Variants in ATP9B observed in about 807,000 individuals in gnomAD.
The protein encoded by ATP9B is ATPase phospholipid transporting 9B.
ATP9B carries 110 observed loss-of-function variants against 146.1 expected under a neutral mutation model. That is an observed-to-expected ratio of 0.75 (90% CI 0.65 to 0.88). ATP9B has a LOEUF of 0.88. Ranked by LOEUF, ATP9B falls within the 40% of genes least tolerant of loss-of-function variation. The pLI, the probability that ATP9B is intolerant of heterozygous loss-of-function variation, is 0.00. For missense variants in ATP9B, 1,499 were observed against 1,496.4 expected (o/e 1.00, Z -0.03); for synonymous variants, 604 against 569.7 (o/e 1.06, Z -0.86).
chr18:79,249,472 T>A (rs2096002001), intron 11 of ATP9B, among the ~76,000 whole-genome samples: 1 of 152,232 alleles, frequency 6.6e-6, no homozygotes. Flanking sequence ...TGAAAATAAC[T>A]TCTAAGTGTA....
At chr18:79,334,674 G>T (rs1018112073) in intron 17 of ATP9B, among the ~76,000 whole-genome samples, 3 of 152,066 alleles carry the variant, frequency 2.0e-5, no homozygotes, top group Non-Finnish European at 4.4e-5. Flanking sequence ...GCATCCCCCA[G>T]ACGTTGGCCC....
chr18:79,150,313 T>A (rs930998474), intron 6 of ATP9B, among the ~76,000 whole-genome samples: 1 of 146,642 alleles, frequency 6.8e-6, no homozygotes, highest in African/African-American at 2.5e-5. Context: ...GATAGTTTCT[T>A]AAAAAAAAAA....
At chr18:79,234,136 G>T (rs1291033858) in intron 11 of ATP9B, among the ~76,000 whole-genome samples, 2 of 152,206 alleles carry the variant, frequency 1.3e-5, no homozygotes, top group Non-Finnish European at 2.9e-5. Flanking sequence ...GTTACAGGAA[G>T]AGTGGGAGGG....
At chr18:79,373,608 G>A (rs1190881007) in intron 27 of ATP9B, among the ~76,000 whole-genome samples, 1 of 151,350 alleles carries the variant, frequency 6.6e-6, no homozygotes, top group African/African-American at 2.4e-5. Flanking sequence ...TTCTGCCTCA[G>A]CCTCCCCAGT....
rs2096833683 is a variant in ATP9B at position 79,337,429 on chromosome 18, C to G, written c.2263C>G (p.Leu755Val). Reference sequence around the variant, plus strand: ...AGACGTGCGGCCCACGCTGGAGATGCTGCGCAACGCCGGGATCAAGGTACT... The same window carrying G: ...AGACGTGCGGCCCACGCTGGAGATGGTGCGCAACGCCGGGATCAAGGTACT... ...QADVRPTLEM[L>V]RNAGIKIWML... Residue 755 changes from leucine (L) to valine (V), a missense_variant, in exon 19 of 30, where the codon CTG becomes GTG. Leu to Val is a conservative substitution (Grantham distance 32). Transcript: ENST00000426216. The G allele has an allele frequency of 1.2e-6, 2 of 1,611,982 alleles. No individual in the cohort carries two copies. Among genetic ancestry groups the G allele is most frequent in the South Asian group, 1.1e-5 (1 of 91,028 alleles).
intron 29 of ATP9B, chr18:79,376,419 C>T (rs2097103851): frequency 3.1e-6 from 3 of 977,616 alleles, no homozygotes; most frequent in African/African-American, 1.8e-5. Flanking sequence ...GACGAAGTCT[C>T]ACTCTTGTTA....
Position 79,115,326 on chromosome 18 carries a change from G to A in ATP9B, c.558+1972G>A, listed in dbSNP as rs1408738780. The A allele has an allele frequency of 2.6e-4, 33 of 125,146 alleles. 1 individual carries two copies. Among genetic ancestry groups the A allele is most frequent in the East Asian group, 4.5e-4 (2 of 4,414 alleles). The allele number at this position is 125,146 out of a possible 1,614,324, so 7.8% of individuals were successfully genotyped here. A position where few individuals can be genotyped will look rare whatever the true frequency, so the allele number is the denominator to read the frequency against. On this transcript the variant is annotated intron_variant, in intron 4 of 29. Coordinates refer to ENST00000426216, the MANE Select transcript of ATP9B (RefSeq NM_198531.5). ...CTCATGGGTAGGAAGAATCAATATCGTGAAAATGGCCATACTGCCCAAGGT... is the reference window on the plus strand; with the variant it reads ...CTCATGGGTAGGAAGAATCAATATCATGAAAATGGCCATACTGCCCAAGGT...
intron 8 of ATP9B, among the ~76,000 whole-genome samples, chr18:79,177,853 T>C (rs1215443809): frequency 3.9e-5 from 6 of 152,224 alleles, no homozygotes; most frequent in Non-Finnish European, 7.3e-5. Flanking sequence ...GAAGTGCTGC[T>C]CAGATGATTT....
chr18:79,129,908 T>C (rs546022754), intron 5 of ATP9B, among the ~76,000 whole-genome samples: 43 of 152,306 alleles, frequency 2.8e-4, no homozygotes, highest in Non-Finnish European at 6.2e-4. Context: ...CATGCCCGGC[T>C]ATTTTTTGTA....
chr18:79,205,812 A>G (rs977228134), intron 9 of ATP9B, among the ~76,000 whole-genome samples: 1 of 152,216 alleles, frequency 6.6e-6, no homozygotes, highest in Non-Finnish European at 1.5e-5. Flanking sequence ...TAAATGTAAA[A>G]CTAGACTGTA....
intron 7 of ATP9B, among the ~76,000 whole-genome samples, chr18:79,166,943 T>C (rs1274301616): frequency 6.8e-6 from 1 of 146,060 alleles, no homozygotes; most frequent in Non-Finnish European, 1.5e-5. Context: ...CAGCCAGGCA[T>C]GCTGGCTGTG....
intron 12 of ATP9B, among the ~76,000 whole-genome samples, chr18:79,259,949 C>A (rs866956330): frequency 3.3e-5 from 5 of 152,056 alleles, no homozygotes; most frequent in African/African-American, 1.2e-4. Context: ...ATTTGATATT[C>A]AGGTATTGAT....
chr18:79,336,227 C>G (rs1040533961), intron 17 of ATP9B, among the ~76,000 whole-genome samples: 1 of 151,962 alleles, frequency 6.6e-6, no homozygotes, highest in Non-Finnish European at 1.5e-5. Context: ...TGTGCACCCT[C>G]CGTGTGTTCT....
intron 13 of ATP9B, among the ~76,000 whole-genome samples, chr18:79,290,309 C>T (rs1568589150): frequency 6.6e-6 from 1 of 152,244 alleles, no homozygotes; most frequent in Admixed American, 6.5e-5. Context: ...CCTAAGCAAG[C>T]CTGGGCAATG....
chr18:79,166,693 C>T (rs1005696692), intron 7 of ATP9B, among the ~76,000 whole-genome samples: 1 of 152,126 alleles, frequency 6.6e-6, no homozygotes, highest in Non-Finnish European at 1.5e-5. Flanking sequence ...GCTAAGCCAG[C>T]CTGAGCACCA....
At chr18:79,356,150 G>A (rs913948827) in intron 25 of ATP9B, among the ~76,000 whole-genome samples, 11 of 152,146 alleles carry the variant, frequency 7.2e-5, no homozygotes, top group Admixed American at 3.3e-4. Flanking sequence ...GAAATGATGA[G>A]CGCATCGTCA....
intron 13 of ATP9B, among the ~76,000 whole-genome samples, chr18:79,294,126 A>G (rs559843852): frequency 5.2e-4 from 79 of 152,358 alleles, no homozygotes; most frequent in Admixed American, 9.2e-4. Context: ...TTTACTGTCT[A>G]GAAAGAGTCT....
intron 11 of ATP9B, among the ~76,000 whole-genome samples, chr18:79,251,721 G>C (rs915200625): frequency 1.2e-4 from 19 of 152,186 alleles, no homozygotes; most frequent in African/African-American, 3.6e-4. Flanking sequence ...GTGGGAAAAG[G>C]CTAGCTTTCT....
chr18:79,315,470 A>G (rs2096674255), intron 15 of ATP9B, among the ~76,000 whole-genome samples: 1 of 152,206 alleles, frequency 6.6e-6, no homozygotes, highest in Non-Finnish European at 1.5e-5. Context: ...AAATATAGAG[A>G]TGATTATAAT....
Sources: gnomAD v4.1 joint callset for allele counts (sites outside exome capture counted in the v4.1 genomes callset) on GRCh38, gnomAD v4.1.1 for gene constraint, MANE v1.5 for transcripts, NCBI Gene and HGNC (gene_info 2026-07-23, HGNC 2026-07-21) for gene names.